NOS1AP: variants seen among roughly 807,000 people sequenced by gnomAD.
NOS1AP encodes carboxyl-terminal PDZ ligand of neuronal nitric oxide synthase protein.
Under a neutral mutation model 56.2 loss-of-function variants are expected in NOS1AP, and 21 were observed. The ratio of observed to expected loss-of-function variants is 0.37; its 90% CI spans 0.26 to 0.54. The LOEUF is 0.54. Ranked by LOEUF, NOS1AP falls within the 20% of genes least tolerant of loss-of-function variation. The pLI is 0.84. For missense variants in NOS1AP, 522 were observed against 657.8 expected (o/e 0.79, Z 2.26); for synonymous variants, 270 against 274.6 (o/e 0.98, Z 0.17).
At chr1:162,084,740 A>G (rs1691966726) in intron 1 of NOS1AP, among the ~76,000 whole-genome samples, 1 of 151,992 alleles carries the variant, frequency 6.6e-6, no homozygotes, top group Non-Finnish European at 1.5e-5. Flanking sequence ...GTGCAGTGGC[A>G]TGATCATGGC....
chr1:162,092,677 T>C (rs1692161020), intron 1 of NOS1AP, among the ~76,000 whole-genome samples: 1 of 152,220 alleles, frequency 6.6e-6, no homozygotes, highest in African/African-American at 2.4e-5. Context: ...TGAATCTGTT[T>C]GGAGAAATGG....
In NOS1AP at chr1:162,146,698, C is replaced by T. The variant is rs146574016; in HGVS notation, c.106-7707C>T. Among the ~76,000 whole-genome samples the T allele has an allele frequency of 5.3e-3, 807 of 152,258 alleles. 9 individuals are homozygous for T. The highest frequency in any genetic ancestry group is 0.018 in the African/African-American group (760 of 41,542). ...TCTCTTTCCAGGGCTTTTAAAGTTACTATTATTATCTTAAACAATAGACTT... is the reference window on the plus strand; with the variant it reads ...TCTCTTTCCAGGGCTTTTAAAGTTATTATTATTATCTTAAACAATAGACTT... On this transcript the variant is annotated intron_variant, in intron 1 of 9. Coordinates refer to ENST00000361897, the MANE Select transcript of NOS1AP (RefSeq NM_014697.3).
intron 2 of NOS1AP, among the ~76,000 whole-genome samples, chr1:162,217,691 C>T (rs1652630199): frequency 1.3e-5 from 2 of 152,154 alleles, no homozygotes; most frequent in African/African-American, 4.8e-5. Flanking sequence ...AAGGACACAA[C>T]CTCCACTTTA....
At chr1:162,221,530 G>GCACACACACACACA (rs1225944628) in intron 2 of NOS1AP, among the ~76,000 whole-genome samples, 1 of 62,488 alleles carries the variant, frequency 1.6e-5, no homozygotes, top group African/African-American at 3.8e-5. Context: ...GCACACACAC[G>GCACACACACACACA]CGCGCACACA....
intron 3 of NOS1AP, among the ~76,000 whole-genome samples, chr1:162,297,688 G>C (rs564061250): frequency 1.3e-5 from 2 of 152,192 alleles, no homozygotes; most frequent in South Asian, 4.2e-4. Context: ...AGGTGGAGCC[G>C]AGGCAACTGT....
chr1:162,126,910 G>A (rs959465547), intron 1 of NOS1AP, among the ~76,000 whole-genome samples: 1 of 152,106 alleles, frequency 6.6e-6, no homozygotes, highest in African/African-American at 2.4e-5. Flanking sequence ...ACATTCTGTA[G>A]CAATGATTGT....
At chr1:162,240,439 G>A (rs997007867) in intron 2 of NOS1AP, among the ~76,000 whole-genome samples, 2 of 152,204 alleles carry the variant, frequency 1.3e-5, no homozygotes, top group African/African-American at 2.4e-5. Flanking sequence ...GGCAAGCTCA[G>A]CAGGGCCCCA....
intron 1 of NOS1AP, among the ~76,000 whole-genome samples, chr1:162,093,296 CACTGTGCTA>C (rs887516226): frequency 4.7e-4 from 71 of 152,282 alleles, no homozygotes; most frequent in African/African-American, 1.7e-3. Context: ...GCAAGCCAGG[CACTGTGCTA>C]GATGTTAGGG....
chr1:162,097,119 G>T lies in NOS1AP; in HGVS notation c.105+26837G>T, dbSNP rs576904260. ...CCTTAACAGTTTTTGCCAGTATGCTGGGTATTAAAAAAAAAAAGTACATTT... is the reference window on the plus strand; with the variant it reads ...CCTTAACAGTTTTTGCCAGTATGCTTGGTATTAAAAAAAAAAAGTACATTT... On this transcript the variant is annotated intron_variant, in intron 1 of 9. Coordinates refer to ENST00000361897, the MANE Select transcript of NOS1AP (RefSeq NM_014697.3). 1.5e-3 allele frequency among the ~76,000 whole-genome samples: 152 copies of T among 99,972 alleles called. 2 individuals are homozygous for T. The highest frequency in any genetic ancestry group is 4.2e-3 in the African/African-American group (145 of 34,374). The allele number at this position is 99,972 out of a possible 152,430, so 65.6% of individuals were successfully genotyped here. A position where few individuals can be genotyped will look rare whatever the true frequency, so the allele number is the denominator to read the frequency against.
At chr1:162,363,013 C>A in intron 8 of NOS1AP, 2 of 570,882 alleles carry the variant, frequency 3.5e-6, no homozygotes, top group Non-Finnish European at 4.4e-6. Flanking sequence ...CTTTTTCCCA[C>A]ACACCAAGCA....
At chr1:162,363,384 A>G (rs773404850) in intron 8 of NOS1AP, 2 of 152,634 alleles carry the variant, frequency 1.3e-5, no homozygotes, top group African/African-American at 4.8e-5. Flanking sequence ...CAGAGCTCCC[A>G]TGCCCTCCCA....
At chr1:162,332,579 C>G (rs1656807613) in intron 4 of NOS1AP, among the ~76,000 whole-genome samples, 1 of 152,160 alleles carries the variant, frequency 6.6e-6, no homozygotes, top group African/African-American at 2.4e-5. Flanking sequence ...CTTAGTCCCT[C>G]CCAATGTGGT....
chr1:162,225,958 C>T (rs756665883), intron 2 of NOS1AP, among the ~76,000 whole-genome samples: 3 of 152,128 alleles, frequency 2.0e-5, no homozygotes, highest in Non-Finnish European at 2.9e-5. Context: ...TATAGAGAAA[C>T]GAAAGCAAGA....
intron 2 of NOS1AP, among the ~76,000 whole-genome samples, chr1:162,260,777 A>T (rs1376117232): frequency 8.0e-6 from 1 of 124,850 alleles, no homozygotes; most frequent in African/African-American, 2.5e-5. Flanking sequence ...GTCAAGGGAG[A>T]TGATTTTTTT....
At chr1:162,302,879 AT>A (rs1192001432) in intron 4 of NOS1AP, among the ~76,000 whole-genome samples, 1 of 152,056 alleles carries the variant, frequency 6.6e-6, no homozygotes, top group Non-Finnish European at 1.5e-5. Context: ...ATGAGTTTGC[AT>A]TTTCTAGAAT....
chr1:162,145,078 C>T (rs1008237353), intron 1 of NOS1AP, among the ~76,000 whole-genome samples: 1 of 152,204 alleles, frequency 6.6e-6, no homozygotes, highest in Non-Finnish European at 1.5e-5. Context: ...TGCTGAGCTA[C>T]TGATCAATAG....
chr1:162,247,207 T>C (rs949753682), intron 2 of NOS1AP, among the ~76,000 whole-genome samples: 1 of 152,190 alleles, frequency 6.6e-6, no homozygotes, highest in African/African-American at 2.4e-5. Flanking sequence ...AATCCCATGA[T>C]TGGAAAGGCA....
chr1:162,336,507 G>A lies in NOS1AP; in HGVS notation c.453+3382G>A, dbSNP rs1431805079. ...TGGGTATGAAGAGCTCCTTAACTCCGAATGGCCCAAATCACTTTAACATAG... is the reference window on the plus strand; with the variant it reads ...TGGGTATGAAGAGCTCCTTAACTCCAAATGGCCCAAATCACTTTAACATAG... On this transcript the variant is annotated intron_variant, in intron 5 of 9. Coordinates refer to ENST00000361897, the MANE Select transcript of NOS1AP (RefSeq NM_014697.3). Among the ~76,000 whole-genome samples the A allele has an allele frequency of 5.3e-5, 8 of 152,152 alleles. No homozygotes were observed. The East Asian group carries it at 1.3e-3, about 26-fold the overall frequency.
At chr1:162,076,089 C>T (rs1436564533) in intron 1 of NOS1AP, among the ~76,000 whole-genome samples, 1 of 152,212 alleles carries the variant, frequency 6.6e-6, no homozygotes, top group Non-Finnish European at 1.5e-5. Context: ...ATTGCCTACT[C>T]ATAATGCAGC....
Sources: allele counts gnomAD v4.1 joint callset (sites outside exome capture counted in the v4.1 genomes callset), GRCh38; gene constraint gnomAD v4.1.1; transcripts MANE v1.5; gene names NCBI Gene and HGNC (gene_info 2026-07-23, HGNC 2026-07-21).